The following DNTT variants were observed in gnomAD, a reference collection of about 807,000 sequenced individuals.
DNTT encodes DNA nucleotidylexotransferase.
A neutral mutation model predicts 60.9 loss-of-function variants in DNTT; 47 were observed. The observed-to-expected ratio is 0.77, with a 90% confidence interval of 0.61 to 0.98. DNTT has a LOEUF of 0.98. Among genes scored for constraint, DNTT ranks in the 50% least tolerant of loss-of-function variants. DNTT has a pLI of 0.00. For synonymous variants in DNTT, 224 were observed against 221.2 expected (o/e 1.01, Z -0.11); for missense variants, 665 against 627.5 (o/e 1.06, Z -0.64).
At chr10:96,327,652 C>A (rs1268705234) in intron 7 of DNTT, 52 bp downstream of exon 7, 1 of 1,573,208 alleles carries the variant, frequency 6.4e-7, no homozygotes, top group East Asian at 2.2e-5. Context: ...TCAGTGGCTC[C>A]CTGACTTGGA....
At chr10:96,307,343 G>GTTGTTT (rs1844650391) in intron 1 of DNTT, among the ~76,000 whole-genome samples, 1 of 67,606 alleles carries the variant, frequency 1.5e-5, no homozygotes, top group African/African-American at 6.4e-5. Context: ...GGGTTTTCCA[G>GTTGTTT]TTTTTTTTTT....
At chr10:96,332,145 C>T (rs970063143) in intron 8 of DNTT, among the ~76,000 whole-genome samples, 2 of 152,184 alleles carry the variant, frequency 1.3e-5, no homozygotes, top group African/African-American at 4.8e-5. Flanking sequence ...CCTCTCTCAT[C>T]GCTAAATTCC....
chr10:96,311,496 G>A (rs567082803), intron 1 of DNTT, among the ~76,000 whole-genome samples: 1 of 152,322 alleles, frequency 6.6e-6, no homozygotes, highest in African/African-American at 2.4e-5. Context: ...GGAAATTATT[G>A]CCTGAGGGAA....
At chr10:96,307,387 C>T (rs1325581279) in intron 1 of DNTT, among the ~76,000 whole-genome samples, 16 of 113,130 alleles carry the variant, frequency 1.4e-4, no homozygotes, top group South Asian at 5.8e-4. Context: ...GACGGAGTCT[C>T]GCTCTGTCCC....
At chr10:96,318,595 G>A (rs932189304) in intron 2 of DNTT, 69 bp downstream of exon 2, 63 of 1,541,640 alleles carry the variant, frequency 4.1e-5, no homozygotes, top group Admixed American at 5.8e-5. Flanking sequence ...TAGGATCAAC[G>A]GAGCTGGGGT....
intron 1 of DNTT, among the ~76,000 whole-genome samples, chr10:96,317,778 C>G (rs1278167363): frequency 6.6e-6 from 1 of 152,196 alleles, no homozygotes; most frequent in Non-Finnish European, 1.5e-5. Context: ...GACTTTCCAG[C>G]CTCCAGAACT....
rs746614838 is a variant in DNTT, at chr10:96,322,742, C to A, written c.750+14C>A. On this transcript the variant is annotated intron_variant, in intron 5 of 10. Transcript: ENST00000371174. Reference sequence around the variant, plus strand: ...CAATCCTTCAAAGTAAGTGATTTTACATATATTTATTGAAAATTGTTTTTC... The same window carrying A: ...CAATCCTTCAAAGTAAGTGATTTTAAATATATTTATTGAAAATTGTTTTTC... 6.4e-7 allele frequency: 1 copy of A among 1,571,594 alleles called. No individual in the cohort carries two copies. The highest frequency in any genetic ancestry group is 8.7e-7 in the Non-Finnish European group (1 of 1,150,732).
Position 96,324,248 on chromosome 10 carries a change from C to A in DNTT, c.751-18C>A. 6.2e-7 allele frequency: 1 copy of A among 1,608,508 alleles called. No homozygotes were observed. The highest frequency in any genetic ancestry group is 8.5e-7 in the Non-Finnish European group (1 of 1,176,124). On this transcript the variant is annotated intron_variant, in intron 5 of 10. Transcript: ENST00000371174. The stretch of plus-strand genomic sequence containing the variant: ...GATTATCTTAGAGACTGATGGCATG[C>A]CTTTCCCTCCATTTTAGCTCTTTAC...
Position 96,338,481 on chromosome 10 carries a change from C to T in DNTT, c.*257C>T. On this transcript the variant is annotated 3_prime_UTR_variant, in exon 11 of 11. Transcript: ENST00000371174. ...AGAAATGATGTTGTCACTGGTGGCT[C>T]ATTCAGGGAAGCTCATCAAAGCCCA... 3 of 296,616 alleles carry T rather than the reference C, an allele frequency of 1.0e-5. No individual in the cohort carries two copies. The highest frequency in any genetic ancestry group is 1.3e-4 in the East Asian group (2 of 15,898). The allele number at this position is 296,616 out of a possible 1,614,324, so 18.4% of individuals were successfully genotyped here.
intron 1 of DNTT, among the ~76,000 whole-genome samples, chr10:96,317,334 A>G (rs1428473549): frequency 3.3e-5 from 5 of 152,208 alleles, no homozygotes; most frequent in Non-Finnish European, 5.9e-5. Flanking sequence ...GCTAAATGAG[A>G]TGATGTAGGT....
rs1217937278 is a variant in DNTT, at chr10:96,338,146, C to T, written c.1452C>T (p.Phe484=). Residue 484 remains phenylalanine, a synonymous_variant, in exon 11 of 11, where the codon TTC becomes TTT. Coordinates refer to ENST00000371174, the MANE Select transcript of DNTT (RefSeq NM_004088.4). ...HALYDKTKRI[F]LKAESEEEIF... ...TCTTGTTATGTTTTCAGAGGATATTCCTCAAAGCAGAAAGTGAAGAAGAAA... is the reference window on the plus strand; with the variant it reads ...TCTTGTTATGTTTTCAGAGGATATTTCTCAAAGCAGAAAGTGAAGAAGAAA... 1 of 1,612,896 alleles carries T rather than the reference C, an allele frequency of 6.2e-7. No homozygotes were observed.
At chr10:96,312,544 C>T (rs192054441) in intron 1 of DNTT, among the ~76,000 whole-genome samples, 71 of 152,288 alleles carry the variant, frequency 4.7e-4, no homozygotes, top group Non-Finnish European at 8.7e-4. Context: ...TGTAGAACCA[C>T]GGGGAACATC....
At chr10:96,322,373 T>C (rs1032430365) in intron 4 of DNTT, among the ~76,000 whole-genome samples, 16 of 152,166 alleles carry the variant, frequency 1.1e-4, no homozygotes, top group African/African-American at 3.9e-4. Context: ...TGGACATACA[T>C]TTTTCAGTGA....
chr10:96,318,885 C>CT (rs368221841), intron 2 of DNTT, among the ~76,000 whole-genome samples: 1 of 152,076 alleles, frequency 6.6e-6, no homozygotes, highest in Non-Finnish European at 1.5e-5. Context: ...CAGGAGATTC[C>CT]TTTTTTTCTC....
chr10:96,330,638 A>T (rs1361539580), intron 8 of DNTT, among the ~76,000 whole-genome samples: 3 of 152,196 alleles, frequency 2.0e-5, no homozygotes, highest in Non-Finnish European at 4.4e-5. Context: ...TCAACAAAAT[A>T]AAAAGTATCT....
At chr10:96,307,225 G>T (rs1192007162) in intron 1 of DNTT, among the ~76,000 whole-genome samples, 2 of 151,838 alleles carry the variant, frequency 1.3e-5, no homozygotes, top group Non-Finnish European at 2.9e-5. Context: ...AAGGTCAAAT[G>T]ATATCAACAA....
At position 96,324,361 on chromosome 10, in the gene DNTT, C is replaced by T. The variant is rs1256161899; in HGVS notation, c.846C>T (p.Ser282=). The change falls in exon 6 of 11, where the codon AGC becomes AGT. Residue 282 remains serine (S), a synonymous_variant. Coordinates refer to ENST00000371174, the MANE Select transcript of DNTT (RefSeq NM_004088.4). ...RTLSKVRSDK[S]LKFTRMQKAG... The stretch of plus-strand genomic sequence containing the variant: ...TGAGTAAAGTAAGGTCGGACAAAAG[C>T]CTGAAATTTACACGAATGCAGAAAG... 6.2e-7 allele frequency: 1 copy of T among 1,613,692 alleles called. No individual in the cohort carries two copies. The highest frequency in any genetic ancestry group is 8.5e-7 in the Non-Finnish European group (1 of 1,179,822).
At chr10:96,328,361 C>T (rs1017401288) in intron 7 of DNTT, among the ~76,000 whole-genome samples, 1 of 152,154 alleles carries the variant, frequency 6.6e-6, no homozygotes, top group Admixed American at 6.5e-5. Context: ...TGTCATAATT[C>T]CAAGAGCGCT....
At chr10:96,326,172 G>T (rs1004703861) in intron 6 of DNTT, among the ~76,000 whole-genome samples, 11 of 152,168 alleles carry the variant, frequency 7.2e-5, no homozygotes, top group Non-Finnish European at 1.5e-4. Context: ...AAGCACAGGT[G>T]TTTGTGGTTA....
Sources: allele counts gnomAD v4.1 joint callset (sites outside exome capture counted in the v4.1 genomes callset), GRCh38; gene constraint gnomAD v4.1.1; transcripts MANE v1.5; gene names NCBI Gene and HGNC (gene_info 2026-07-23, HGNC 2026-07-21).